PTPN9: variants seen among roughly 807,000 people sequenced by gnomAD.
PTPN9 encodes protein tyrosine phosphatase non-receptor type 9.
A neutral mutation model predicts 69.8 loss-of-function variants in PTPN9; 26 were observed. That is an observed-to-expected ratio of 0.37 (90% CI 0.27 to 0.52). The LOEUF (loss-of-function observed/expected upper bound fraction) is 0.52, where lower values mean the gene tolerates loss of function less well. Among genes scored for constraint, PTPN9 ranks in the 20% least tolerant of loss-of-function variants. The pLI, the probability that PTPN9 is intolerant of heterozygous loss-of-function variation, is 0.91. For synonymous variants in PTPN9, 274 were observed against 272.5 expected (o/e 1.01, Z -0.05); for missense variants, 549 against 740.3 (o/e 0.74, Z 3.00).
intron 1 of PTPN9, among the ~76,000 whole-genome samples, 182 bp downstream of exon 1, chr15:75,578,532 G>A (rs2075184159): frequency 6.6e-6 from 1 of 152,098 alleles, no homozygotes; most frequent in African/African-American, 2.4e-5. Flanking sequence ...GGTCCCGTGG[G>A]TCCCCCGACG....
intron 7 of PTPN9, among the ~76,000 whole-genome samples, chr15:75,496,600 G>A (rs1036794838): frequency 3.3e-5 from 5 of 151,354 alleles, no homozygotes; most frequent in African/African-American, 1.2e-4. Context: ...AGGCTCAAGT[G>A]AGCTTCCCAC....
At chr15:75,484,490 CCT>C (rs569113004) in intron 8 of PTPN9, among the ~76,000 whole-genome samples, 14 of 152,308 alleles carry the variant, frequency 9.2e-5, no homozygotes, top group Admixed American at 9.2e-4. Context: ...CTCCTGACTA[CCT>C]CTCTTCCAGG....
At chr15:75,553,452 T>C (rs1281119003) in intron 1 of PTPN9, among the ~76,000 whole-genome samples, 1 of 152,150 alleles carries the variant, frequency 6.6e-6, no homozygotes, top group African/African-American at 2.4e-5. Context: ...TTAGAATCAA[T>C]CCAGGACAGA....
chr15:75,540,594 A>C (rs911033073), intron 1 of PTPN9, among the ~76,000 whole-genome samples: 1 of 149,926 alleles, frequency 6.7e-6, no homozygotes, highest in Non-Finnish European at 1.5e-5. Context: ...AAAAATGTGA[A>C]TCAGGTCTGA....
Position 75,464,948 on chromosome 15 carries a change from G to A in PTPN9, c.*3821C>T, listed in dbSNP as rs2074530935. On this transcript the variant is annotated 3_prime_UTR_variant, in exon 13 of 13. Transcript: ENST00000618819. ...AATGAGGATGGGCAAGATGAAGGGAGCAATGGGAAAAAGGACACAGGGATT... is the reference window on the plus strand; with the variant it reads ...AATGAGGATGGGCAAGATGAAGGGAACAATGGGAAAAAGGACACAGGGATT... The A allele has an allele frequency of 6.6e-6, 1 of 152,120 alleles. No homozygotes were observed. 9.4% of individuals were successfully genotyped at this position (152,120 alleles called of 1,614,324 possible).
chr15:75,477,393 G>A (rs1052775709), intron 9 of PTPN9, among the ~76,000 whole-genome samples: 1 of 152,054 alleles, frequency 6.6e-6, no homozygotes, highest in Non-Finnish European at 1.5e-5. Flanking sequence ...CCGGGAGTTC[G>A]AGACCAGCCT....
intron 1 of PTPN9, among the ~76,000 whole-genome samples, chr15:75,543,713 GTATGAC>G (rs1216652502): frequency 2.6e-5 from 4 of 152,116 alleles, no homozygotes; most frequent in Non-Finnish European, 5.9e-5. Flanking sequence ...AGTTTAAATC[GTATGAC>G]TATATTATCC....
At chr15:75,547,465 C>T (rs193042489) in intron 1 of PTPN9, among the ~76,000 whole-genome samples, 214 of 151,880 alleles carry the variant, frequency 1.4e-3, no homozygotes, top group Non-Finnish European at 2.6e-3. Context: ...GGCGTGGTGG[C>T]AGACAAAACA....
At chr15:75,472,419 G>C (rs1256203352) in intron 10 of PTPN9, among the ~76,000 whole-genome samples, 1 of 151,128 alleles carries the variant, frequency 6.6e-6, no homozygotes, top group East Asian at 2.0e-4. Context: ...CTGAGATTGC[G>C]CCACTGCACT....
intron 1 of PTPN9, among the ~76,000 whole-genome samples, chr15:75,528,381 A>AT (rs368637051): frequency 4.7e-4 from 70 of 147,400 alleles, no homozygotes; most frequent in East Asian, 6.0e-4. Context: ...TTAAATTGGG[A>AT]TTTTTTTTTT....
chr15:75,535,793 A>G (rs1273046421), intron 1 of PTPN9, among the ~76,000 whole-genome samples: 2 of 152,088 alleles, frequency 1.3e-5, no homozygotes, highest in Non-Finnish European at 2.9e-5. Flanking sequence ...TCTTCAGCCC[A>G]TATTAATCTG....
chr15:75,552,687 T>A (rs1474379356), intron 1 of PTPN9, among the ~76,000 whole-genome samples: 1 of 151,006 alleles, frequency 6.6e-6, no homozygotes, highest in Non-Finnish European at 1.5e-5. Flanking sequence ...ATTTTCAACT[T>A]ATGATATTTT....
intron 7 of PTPN9, among the ~76,000 whole-genome samples, chr15:75,494,233 A>T (rs1353008082): frequency 6.6e-6 from 1 of 151,526 alleles, no homozygotes; most frequent in Non-Finnish European, 1.5e-5. Flanking sequence ...CATTTAAAAC[A>T]CAGTGTAATA....
intron 5 of PTPN9, 100 bp downstream of exon 5, chr15:75,517,159 C>T: frequency 1.2e-6 from 1 of 802,078 alleles, no homozygotes; most frequent in Non-Finnish European, 1.9e-6. Context: ...AACATAATGT[C>T]TGAAGTTTGC....
intron 1 of PTPN9, among the ~76,000 whole-genome samples, chr15:75,532,035 A>G (rs939397273): frequency 6.6e-6 from 1 of 152,190 alleles, no homozygotes; most frequent in Admixed American, 6.6e-5. Context: ...TCAATGTATA[A>G]GTAGAAGTGG....
intron 5 of PTPN9, among the ~76,000 whole-genome samples, chr15:75,511,103 A>G (rs2074843254): frequency 6.6e-6 from 1 of 152,046 alleles, no homozygotes; most frequent in Admixed American, 6.6e-5. Flanking sequence ...CATTTTTCTT[A>G]TCTATTAATC....
chr15:75,499,741 G>C (rs1433047611), intron 7 of PTPN9, among the ~76,000 whole-genome samples: 2 of 151,998 alleles, frequency 1.3e-5, no homozygotes, highest in Admixed American at 6.6e-5. Context: ...AGACTCCATA[G>C]TAGAAATGAC....
intron 7 of PTPN9, among the ~76,000 whole-genome samples, 181 bp downstream of exon 7, chr15:75,505,490 AAAAG>A (rs897830136): frequency 6.6e-6 from 1 of 152,060 alleles, no homozygotes; most frequent in Non-Finnish European, 1.5e-5. Context: ...AAGAAAAAAA[AAAAG>A]AAGCACCAAA....
chr15:75,516,202 G>A (rs889231520), intron 5 of PTPN9, among the ~76,000 whole-genome samples: 1 of 151,854 alleles, frequency 6.6e-6, no homozygotes, highest in South Asian at 2.1e-4. Context: ...AAGTGTTTCA[G>A]ATTTTGAATT....
Sources: gnomAD v4.1 joint callset for allele counts (sites outside exome capture counted in the v4.1 genomes callset) on GRCh38, gnomAD v4.1.1 for gene constraint, MANE v1.5 for transcripts, NCBI Gene and HGNC (gene_info 2026-07-23, HGNC 2026-07-21) for gene names.